GPM6A: variants seen among roughly 807,000 people sequenced by gnomAD.
The protein encoded by GPM6A is glycoprotein M6A, also known as neuronal membrane glycoprotein M6-a.
Under a neutral mutation model 32.1 loss-of-function variants are expected in GPM6A, and 7 were observed. The ratio of observed to expected loss-of-function variants is 0.22; its 90% CI spans 0.12 to 0.41. The LOEUF (loss-of-function observed/expected upper bound fraction) is 0.41, where lower values mean the gene tolerates loss of function less well. GPM6A is among the 10% of genes least tolerant of loss of function. The pLI, the probability that GPM6A is intolerant of heterozygous loss-of-function variation, is 1.00. For missense variants in GPM6A, 235 were observed against 347.2 expected (o/e 0.68, Z 2.57); for synonymous variants, 130 against 123.4 (o/e 1.05, Z -0.35).
chr4:175,987,027 C>T (rs899879824), intron 1 of GPM6A, among the ~76,000 whole-genome samples: 3 of 152,174 alleles, frequency 2.0e-5, no homozygotes, highest in Admixed American at 1.3e-4. Flanking sequence ...GAATCCTTTA[C>T]TGACATTTTA....
At chr4:175,830,872 A>G (rs1394320178) in intron 1 of GPM6A, among the ~76,000 whole-genome samples, 5 of 151,428 alleles carry the variant, frequency 3.3e-5, no homozygotes, top group African/African-American at 1.2e-4. Flanking sequence ...CTGTATCTCC[A>G]TATATACCCC....
At chr4:175,989,723 T>C (rs1339418901) in intron 1 of GPM6A, among the ~76,000 whole-genome samples, 1 of 152,182 alleles carries the variant, frequency 6.6e-6, no homozygotes, top group Admixed American at 6.6e-5. Context: ...ATTTCCTTTA[T>C]AGTGAATCAG....
intron 2 of GPM6A, among the ~76,000 whole-genome samples, chr4:175,690,669 T>C (rs1378202625): frequency 6.6e-6 from 1 of 152,180 alleles, no homozygotes. Flanking sequence ...TCTTCTCTGG[T>C]CAAGTGGCTC....
intron 1 of GPM6A, among the ~76,000 whole-genome samples, chr4:175,786,150 A>G (rs750335081): frequency 1.2e-4 from 19 of 152,158 alleles, no homozygotes; most frequent in Non-Finnish European, 2.6e-4. Flanking sequence ...TAAAAGTGCT[A>G]GGTGTTTCTT....
At chr4:175,888,375 G>C (rs931071099) in intron 1 of GPM6A, among the ~76,000 whole-genome samples, 1 of 151,932 alleles carries the variant, frequency 6.6e-6, no homozygotes, top group Admixed American at 6.5e-5. Context: ...ATCATAAGAA[G>C]CATTTCCTTT....
At chr4:175,781,576 T>A (rs1733617358) in intron 1 of GPM6A, among the ~76,000 whole-genome samples, 1 of 152,218 alleles carries the variant, frequency 6.6e-6, no homozygotes. Context: ...ACTATGGGCA[T>A]TCACTTCATT....
chr4:175,721,044 A>AC (rs1746095959), intron 1 of GPM6A, among the ~76,000 whole-genome samples: 7 of 33,070 alleles, frequency 2.1e-4, no homozygotes, highest in Admixed American at 1.8e-3. Flanking sequence ...TATATATTAT[A>AC]TATATATATG....
chr4:175,768,703 C>G (rs188977632), intron 1 of GPM6A, among the ~76,000 whole-genome samples: 329 of 151,990 alleles, frequency 2.2e-3, no homozygotes, highest in Middle Eastern at 6.8e-3. Context: ...ACATGTATCA[C>G]CAAAGTTGAA....
At chr4:175,885,026 A>G (rs1448558163) in intron 1 of GPM6A, among the ~76,000 whole-genome samples, 1 of 152,220 alleles carries the variant, frequency 6.6e-6, no homozygotes, top group Non-Finnish European at 1.5e-5. Flanking sequence ...TATGATTAGC[A>G]ATTCCGCTCT....
At chr4:175,954,437 C>T (rs1739918614) in intron 1 of GPM6A, among the ~76,000 whole-genome samples, 1 of 152,178 alleles carries the variant, frequency 6.6e-6, no homozygotes, top group South Asian at 2.1e-4. Context: ...TCTTTCTGTG[C>T]CCCAGTTTCC....
Position 175,634,712 on chromosome 4 carries a change from GA to G in GPM6A, c.*192del. Reference sequence around the variant, plus strand: ...GGATAGGAGCTTGTAGAAAAGATCTGATTTACATCAATTTAATAAATTGGGA... The same window carrying G: ...GGATAGGAGCTTGTAGAAAAGATCTGTTTACATCAATTTAATAAATTGGGA... On this transcript the variant is annotated 3_prime_UTR_variant, in exon 7 of 7. Transcript: ENST00000393658. 1.9e-6 allele frequency: 1 copy of G among 521,740 alleles called. No individual in the cohort carries two copies. Among genetic ancestry groups the G allele is most frequent in the Non-Finnish European group, 3.4e-6 (1 of 296,834 alleles). The allele number at this position is 521,740 out of a possible 1,614,324, so 32.3% of individuals were successfully genotyped here. A position where few individuals can be genotyped will look rare whatever the true frequency, so the allele number is the denominator to read the frequency against.
intron 1 of GPM6A, among the ~76,000 whole-genome samples, chr4:175,904,757 A>G (rs1012668443): frequency 2.0e-5 from 3 of 152,178 alleles, no homozygotes; most frequent in African/African-American, 4.8e-5. Context: ...GCTTTTGTCT[A>G]ATCTTGGGCT....
chr4:175,774,284 C>T (rs150752926), intron 1 of GPM6A, among the ~76,000 whole-genome samples: 62 of 152,144 alleles, frequency 4.1e-4, no homozygotes, highest in African/African-American at 1.3e-3. Context: ...CTCTAAAATG[C>T]TCAGTAATTA....
chr4:175,919,564 G>T (rs1738601613), intron 1 of GPM6A, among the ~76,000 whole-genome samples: 1 of 152,062 alleles, frequency 6.6e-6, no homozygotes, highest in Non-Finnish European at 1.5e-5. Flanking sequence ...AGTATGCAAG[G>T]GTGAATAAAG....
intron 1 of GPM6A, among the ~76,000 whole-genome samples, chr4:175,927,546 C>T (rs111439410): frequency 1.3e-5 from 2 of 152,212 alleles, no homozygotes; most frequent in African/African-American, 4.8e-5. Flanking sequence ...TACTGGATGC[C>T]TTGTTCATAG....
chr4:175,671,433 T>C (rs1224432911), intron 3 of GPM6A, among the ~76,000 whole-genome samples: 3 of 108,620 alleles, frequency 2.8e-5, no homozygotes, highest in Admixed American at 2.7e-4. Context: ...AGGTTCACTT[T>C]GAACATAATA....
At chr4:175,672,763 A>G (rs1382929008) in intron 3 of GPM6A, among the ~76,000 whole-genome samples, 1 of 152,216 alleles carries the variant, frequency 6.6e-6, no homozygotes, top group Non-Finnish European at 1.5e-5. Flanking sequence ...GATTCTTATA[A>G]GAAATAATTC....
chr4:175,864,001 C>T (rs570537250), intron 1 of GPM6A, among the ~76,000 whole-genome samples: 5 of 148,502 alleles, frequency 3.4e-5, no homozygotes, highest in African/African-American at 1.0e-4. Flanking sequence ...ACCCTGTCTC[C>T]GAAAAAAAAA....
intron 1 of GPM6A, among the ~76,000 whole-genome samples, chr4:175,756,570 T>C (rs1294490323): frequency 1.3e-5 from 2 of 152,040 alleles, no homozygotes; most frequent in African/African-American, 2.4e-5. Context: ...GGATAGGACA[T>C]GGAGCCAGTA....
Sources: gnomAD v4.1 joint callset for allele counts (sites outside exome capture counted in the v4.1 genomes callset) on GRCh38, gnomAD v4.1.1 for gene constraint, MANE v1.5 for transcripts, NCBI Gene and HGNC (gene_info 2026-07-23, HGNC 2026-07-21) for gene names.